ITPRID2: variants seen among roughly 807,000 people sequenced by gnomAD.
ITPRID2 encodes the protein ITPR interacting domain containing 2, also known as protein ITPRID2.
Under a neutral mutation model 124.3 loss-of-function variants are expected in ITPRID2, and 60 were observed. The observed-to-expected ratio is 0.48, with a 90% CI of 0.39 to 0.60. The LOEUF is 0.60. Ranked by LOEUF, ITPRID2 falls within the 20% of genes least tolerant of loss-of-function variation. The pLI is 0.00. For synonymous variants in ITPRID2, 521 were observed against 542.9 expected (o/e 0.96, Z 0.56); for missense variants, 1,553 against 1,512.2 (o/e 1.03, Z -0.45).
At chr2:181,921,530 T>G (rs1694484510) in intron 15 of ITPRID2, among the ~76,000 whole-genome samples, 1 of 152,208 alleles carries the variant, frequency 6.6e-6, no homozygotes, top group Non-Finnish European at 1.5e-5. Flanking sequence ...ACATGTGCTT[T>G]CACAGTTTGA....
chr2:181,892,910 G>C lies in ITPRID2; in HGVS notation c.257+250G>C. The C allele has an allele frequency of 1.7e-6, 1 of 576,580 alleles. No individual in the cohort carries two copies. The allele number at this position is 576,580 out of a possible 1,614,324, so 35.7% of individuals were successfully genotyped here. On this transcript the variant is annotated intron_variant, in intron 2 of 17. Transcript: ENST00000431877. This position sits in a 1 kb window ranked among gnomAD's most constrained non-coding sequence, Gnocchi z 5.2. Reference sequence around the variant, plus strand: ...ACTCACGCATCGTGTTAGCATCAGAGATCAGAAATCCAGAACAGATAATCA... The same window carrying C: ...ACTCACGCATCGTGTTAGCATCAGACATCAGAAATCCAGAACAGATAATCA...
Position 181,905,272 on chromosome 2 carries a change from A to G in ITPRID2, c.1413+2806A>G, listed in dbSNP as rs1693021536. Reference sequence around the variant, plus strand: ...CACTACGTTGGCCAGGCTGGTCTCAAACTCCTGACCTCGTGATCTGACCAC... The same window carrying G: ...CACTACGTTGGCCAGGCTGGTCTCAGACTCCTGACCTCGTGATCTGACCAC... On this transcript the variant is annotated intron_variant, in intron 8 of 17. Transcript: ENST00000431877. This position sits in a 1 kb window ranked among gnomAD's most constrained non-coding sequence, Gnocchi z 4.1. 6.6e-6 allele frequency among the ~76,000 whole-genome samples: 1 copy of G among 151,940 alleles called. No individual in the cohort carries two copies. The highest frequency in any genetic ancestry group is 6.6e-5 in the Admixed American group (1 of 15,256).
At chr2:181,906,790 C>T (rs1251572598) in intron 8 of ITPRID2, among the ~76,000 whole-genome samples, 1 of 151,814 alleles carries the variant, frequency 6.6e-6, no homozygotes, top group African/African-American at 2.4e-5. Context: ...AGATAATTGT[C>T]AGAGGCCGTT....
At chr2:181,899,136 G>C in intron 6 of ITPRID2, 24 bp downstream of exon 6, 2 of 1,519,468 alleles carry the variant, frequency 1.3e-6, no homozygotes, top group East Asian at 2.3e-5. Flanking sequence ...AAATTGTGTT[G>C]GAATTACATT....
At position 181,916,064 on chromosome 2, in the gene ITPRID2, G is replaced by A; in HGVS notation, c.2424G>A (p.Lys808=). The change falls in exon 11 of 18, where the codon AAG becomes AAA. Residue 808 remains lysine, a synonymous_variant. Transcript: ENST00000431877. ...TTTTCATCTCTCCATCATCTGTGAA[G>A]AAAGAAGAAGCCCCCCAGAGTGAGG... ...STIFISPSSV[K]KEEAPQSEAP... is the part of the protein sequence containing the mutation. The A allele has an allele frequency of 6.2e-7, 1 of 1,614,164 alleles. No homozygotes were observed. Among genetic ancestry groups the A allele is most frequent in the Non-Finnish European group, 8.5e-7 (1 of 1,180,036 alleles).
intron 15 of ITPRID2, 47 bp from the exon 16 acceptor site, chr2:181,921,901 A>G: frequency 6.5e-7 from 1 of 1,530,348 alleles, no homozygotes; most frequent in Non-Finnish European, 8.9e-7. Context: ...TTTAGCTACC[A>G]ATCTTAATTC....
At chr2:181,918,220 CAAT>C (rs1448312897) in intron 11 of ITPRID2, 1 of 806,410 alleles carries the variant, frequency 1.2e-6, no homozygotes, top group African/African-American at 1.9e-5. Context: ...AGAAAGACGA[CAAT>C]GATTGCTTGC....
At chr2:181,929,161 G>A (rs940878430) in intron 17 of ITPRID2, among the ~76,000 whole-genome samples, 4 of 151,342 alleles carry the variant, frequency 2.6e-5, no homozygotes, top group Non-Finnish European at 4.4e-5. Flanking sequence ...AGCCTCAAGC[G>A]ATCCTCCTGC....
In ITPRID2 at chr2:181,892,651, A is replaced by C. The variant is rs1344452726; in HGVS notation, c.248A>C (p.Lys83Thr). Reference sequence around the variant, plus strand: ...AACGAGAAGATCGCGATATGGCTCAAGGACTGCCGGTGAGTGCTCCCTGGT... The same window carrying C: ...AACGAGAAGATCGCGATATGGCTCACGGACTGCCGGTGAGTGCTCCCTGGT... ...VPNEKIAIWL[K>T]DCRTPLGASL... The change falls in exon 2 of 18, where the codon AAG becomes ACG. Residue 83 changes from lysine to threonine, a missense_variant. Physicochemically the swap from Lys to Thr is moderately conservative, Grantham distance 78 (BLOSUM62 -1). Coordinates refer to ENST00000431877, the MANE Select transcript of ITPRID2 (RefSeq NM_001130445.3). The surrounding 1 kb of genome is among the most constrained non-coding windows in gnomAD (Gnocchi z 5.2). The C allele has an allele frequency of 6.2e-7, 1 of 1,613,928 alleles. No individual in the cohort carries two copies. Among genetic ancestry groups the C allele is most frequent in the Non-Finnish European group, 8.5e-7 (1 of 1,179,978 alleles).
Position 181,892,569 on chromosome 2 carries a change from T to A in ITPRID2, c.212-46T>A. 1 of 1,612,406 alleles carries A rather than the reference T, an allele frequency of 6.2e-7. No individual in the cohort carries two copies. The highest frequency in any genetic ancestry group is 8.5e-7 in the Non-Finnish European group (1 of 1,178,506). On this transcript the variant is annotated intron_variant, in intron 1 of 17. Coordinates refer to ENST00000431877, the MANE Select transcript of ITPRID2 (RefSeq NM_001130445.3). The surrounding 1 kb of genome is among the most constrained non-coding windows in gnomAD (Gnocchi z 5.2). ...AGGGTCCAGGGTGACTCCGCCGTCGTAGTGCTCCTGGGTGGTAACGTGCTG... is the reference window on the plus strand; with the variant it reads ...AGGGTCCAGGGTGACTCCGCCGTCGAAGTGCTCCTGGGTGGTAACGTGCTG...
intron 8 of ITPRID2, among the ~76,000 whole-genome samples, chr2:181,903,927 G>A (rs10193899): frequency 0.018 from 2,703 of 152,052 alleles, 76 homozygotes; most frequent in African/African-American, 0.061. Flanking sequence ...ATTAGATATG[G>A]CAGTTAATTT....
In ITPRID2 at chr2:181,907,318, T is replaced by TA. The variant is rs1202138045; in HGVS notation, c.1414-2580dup. ...TTAGCAGAACATTGATTTAGAAAGA[T>TA]ACAGTCATTGTTTCATGAAAACTTT... On this transcript the variant is annotated intron_variant, in intron 8 of 17. Transcript: ENST00000431877. This position sits in a 1 kb window ranked among gnomAD's most constrained non-coding sequence, Gnocchi z 5.1. Among the ~76,000 whole-genome samples the TA allele has an allele frequency of 2.0e-5, 3 of 152,166 alleles. No individual in the cohort carries two copies. Among genetic ancestry groups the TA allele is most frequent in the Non-Finnish European group, 2.9e-5 (2 of 68,014 alleles).
In ITPRID2 at chr2:181,902,005, T is replaced by C. The variant is rs1453718501; in HGVS notation, c.952T>C (p.Ser318Pro). Residue 318 changes from serine (S) to proline (P), a missense_variant, in exon 8 of 18, where the codon TCT (serine) becomes CCT (proline). Transcript: ENST00000431877. The surrounding 1 kb of genome is among the most constrained non-coding windows in gnomAD (Gnocchi z 4.4). Reference protein sequence around the residue: ...KTEKGESSSPSPSAEKGKILN... With the variant: ...KTEKGESSSPPPSAEKGKILN... Reference sequence around the variant, plus strand: ...AGAGAAAGGAGAAAGTAGTAGTCCTTCTCCATCAGCTGAAAAAGGAAAGAT... The same window carrying C: ...AGAGAAAGGAGAAAGTAGTAGTCCTCCTCCATCAGCTGAAAAAGGAAAGAT... The C allele has an allele frequency of 1.2e-6, 2 of 1,613,632 alleles. No individual in the cohort carries two copies. Among genetic ancestry groups the C allele is most frequent in the East Asian group, 4.5e-5 (2 of 44,882 alleles).
At chr2:181,927,056 TCCA>T (rs1317762915) in intron 16 of ITPRID2, among the ~76,000 whole-genome samples, 1 of 152,234 alleles carries the variant, frequency 6.6e-6, no homozygotes, top group African/African-American at 2.4e-5. Context: ...TTAAATATAT[TCCA>T]GTACAGATGG....
intron 9 of ITPRID2, among the ~76,000 whole-genome samples, chr2:181,912,882 A>G (rs1044015548): frequency 6.6e-6 from 1 of 152,166 alleles, no homozygotes; most frequent in East Asian, 1.9e-4. Flanking sequence ...AAGCAGAAAG[A>G]TTTTATAAGA....
At chr2:181,913,711 C>T in intron 9 of ITPRID2, 134 bp from the exon 10 acceptor site, 1 of 550,352 alleles carries the variant, frequency 1.8e-6, no homozygotes. Context: ...TTCTAAGAAG[C>T]AGTCAAATAT....
In ITPRID2 at chr2:181,920,621, G is replaced by A. The variant is rs368588230; in HGVS notation, c.3169G>A (p.Asp1057Asn). Residue 1057 changes from aspartate to asparagine, a missense_variant, in exon 15 of 18, where the codon GAT (aspartate) becomes AAT (asparagine). Asp to Asn is a conservative substitution (Grantham distance 23). Transcript: ENST00000431877. ...GGGAATGTGTGGCAGTAGAAGCGCT[G>A]ATAACTTGTCATGCCCTTCTCCATT... The part of the protein sequence containing the change: ...LMGMCGSRSA[D>N]NLSCPSPLNV... The A allele has an allele frequency of 7.4e-6, 12 of 1,613,320 alleles. No homozygotes were observed. The highest frequency in any genetic ancestry group is 1.0e-5 in the Non-Finnish European group (12 of 1,179,668).
intron 4 of ITPRID2, among the ~76,000 whole-genome samples, chr2:181,897,709 A>G (rs935130615): frequency 5.3e-5 from 8 of 151,882 alleles, no homozygotes; most frequent in African/African-American, 1.7e-4. Context: ...TTTAAAAAAA[A>G]CAAGGATTTT....
rs894685750 is a variant in ITPRID2, at chr2:181,896,282, A to G, written c.307+203A>G. Among the ~76,000 whole-genome samples, 2 of 152,068 alleles carry G rather than the reference A, an allele frequency of 1.3e-5. No homozygotes were observed. On this transcript the variant is annotated intron_variant, in intron 3 of 17. Coordinates refer to ENST00000431877, the MANE Select transcript of ITPRID2 (RefSeq NM_001130445.3). This position sits in a 1 kb window ranked among gnomAD's most constrained non-coding sequence, Gnocchi z 4.3. Reference sequence around the variant, plus strand: ...AAGCAAATTGCCTAGCCTTTTCACAACGTGAAACTTATATCTTTATTGTCC... The same window carrying G: ...AAGCAAATTGCCTAGCCTTTTCACAGCGTGAAACTTATATCTTTATTGTCC...
Sources: allele counts gnomAD v4.1 joint callset (sites outside exome capture counted in the v4.1 genomes callset), GRCh38; gene constraint gnomAD v4.1.1; non-coding constraint Gnocchi (gnomAD v3.1); transcripts MANE v1.5; gene names NCBI Gene and HGNC (gene_info 2026-07-23, HGNC 2026-07-21).